The following MCC variants were observed in gnomAD, a reference collection of about 807,000 sequenced individuals.
MCC encodes the protein colorectal mutant cancer protein.
MCC carries 90 observed loss-of-function variants against 116.2 expected under a neutral mutation model. The ratio of observed to expected loss-of-function variants is 0.77; its 90% CI spans 0.65 to 0.92. The LOEUF is 0.92. Among genes scored for constraint, MCC ranks in the 40% least tolerant of loss-of-function variants. The pLI is 0.00. For missense variants in MCC, 1,516 were observed against 1,312.2 expected, an observed-to-expected ratio of 1.16 and a Z score of -2.40; for synonymous variants, 578 against 510.5, an observed-to-expected ratio of 1.13 and a Z score of -1.78.
In MCC at chr5:113,024,567, C is replaced by T. The variant is rs1041207786; in HGVS notation, c.*2735G>A. On this transcript the variant is annotated 3_prime_UTR_variant, in exon 19 of 19. Transcript: ENST00000408903. ...TGGTTACTGACTAAAAGGGGGTAAC[C>T]ACTGAGGAAACTAGGGAGAACAATT... The T allele has an allele frequency of 6.6e-6, 1 of 152,138 alleles. No individual in the cohort carries two copies. Among genetic ancestry groups the T allele is most frequent in the African/African-American group, 2.4e-5 (1 of 41,432 alleles). 9.4% of individuals were successfully genotyped at this position (152,138 alleles called of 1,614,324 possible).
intron 3 of MCC, chr5:113,269,265 ACT>A (rs1329911785): frequency 5.3e-6 from 5 of 952,056 alleles, no homozygotes; most frequent in Non-Finnish European, 6.3e-6. Context: ...ACTTCAACAG[ACT>A]CTACTGCAGG....
chr5:113,380,770 C>G (rs910466206), intron 2 of MCC, among the ~76,000 whole-genome samples: 1 of 152,156 alleles, frequency 6.6e-6, no homozygotes, highest in Non-Finnish European at 1.5e-5. Flanking sequence ...AAAGGCCTCT[C>G]TGAAGAGGAA....
intron 3 of MCC, among the ~76,000 whole-genome samples, chr5:113,238,990 C>A (rs564601066): frequency 6.6e-6 from 1 of 152,018 alleles, no homozygotes; most frequent in Admixed American, 6.6e-5. Context: ...GACAATTCAT[C>A]GAAATGTGAA....
chr5:113,080,783 C>A (rs1754800982), intron 11 of MCC, among the ~76,000 whole-genome samples: 1 of 149,988 alleles, frequency 6.7e-6, no homozygotes, highest in African/African-American at 2.5e-5. Context: ...GCACATATAC[C>A]CTAGAACTTA....
At chr5:113,182,444 G>A (rs561829752) in intron 3 of MCC, among the ~76,000 whole-genome samples, 1 of 152,268 alleles carries the variant, frequency 6.6e-6, no homozygotes, top group South Asian at 2.1e-4. Context: ...AGGTATGGGA[G>A]TAAAAGATTA....
chr5:113,095,687 TA>T (rs985037178), intron 8 of MCC, among the ~76,000 whole-genome samples: 100 of 146,462 alleles, frequency 6.8e-4, no homozygotes, highest in South Asian at 2.4e-3. Context: ...CTTGGCTAAT[TA>T]AAAAAAAAAA....
chr5:113,343,338 T>C (rs1446880016), intron 2 of MCC, among the ~76,000 whole-genome samples: 5 of 152,212 alleles, frequency 3.3e-5, no homozygotes, highest in African/African-American at 1.2e-4. Flanking sequence ...ATATTTGCAA[T>C]TGCTCCAAGT....
At chr5:113,029,576 G>A (rs1330165405) in intron 17 of MCC, among the ~76,000 whole-genome samples, 1 of 152,074 alleles carries the variant, frequency 6.6e-6, no homozygotes, top group Non-Finnish European at 1.5e-5. Context: ...TTCATTGTAA[G>A]GGTCCTTATT....
intron 13 of MCC, among the ~76,000 whole-genome samples, chr5:113,066,585 C>T (rs371300275): frequency 6.6e-6 from 1 of 152,184 alleles, no homozygotes; most frequent in East Asian, 1.9e-4. Flanking sequence ...GAAATTAACA[C>T]CCAGGATACC....
Position 113,185,393 on chromosome 5 carries a change from T to C in MCC, c.628-33971A>G, listed in dbSNP as rs955658536. On this transcript the variant is annotated intron_variant, in intron 3 of 18. Coordinates refer to ENST00000408903, the MANE Select transcript of MCC (RefSeq NM_001085377.2). ...ATTGTTCTGACCAGCAAAGAAGGCA[T>C]GAACACTTGACTTCCTAACAAGGGT... 6.6e-4 allele frequency among the ~76,000 whole-genome samples: 101 copies of C among 152,170 alleles called. 1 individual carries two copies. Among genetic ancestry groups the C allele is most frequent in the African/African-American group, 2.3e-3 (94 of 41,444 alleles).
intron 3 of MCC, among the ~76,000 whole-genome samples, chr5:113,211,106 T>C (rs964496368): frequency 2.6e-5 from 4 of 152,226 alleles, no homozygotes; most frequent in Non-Finnish European, 5.9e-5. Context: ...CCCAATGTGA[T>C]GGTTTCAAAA....
intron 1 of MCC, 44 bp downstream of exon 1, chr5:113,488,201 G>A (rs768997290): frequency 5.7e-6 from 9 of 1,572,308 alleles, no homozygotes; most frequent in Admixed American, 1.8e-5. Flanking sequence ...CGCGCGGAGG[G>A]ACTGATCTCG....
intron 3 of MCC, among the ~76,000 whole-genome samples, chr5:113,258,990 C>G (rs1381074588): frequency 6.6e-6 from 1 of 152,170 alleles, no homozygotes; most frequent in Middle Eastern, 3.2e-3. Flanking sequence ...CATTAAAATT[C>G]TTACATCAAA....
chr5:113,097,808 C>T (rs1581052508), intron 8 of MCC, among the ~76,000 whole-genome samples: 1 of 152,268 alleles, frequency 6.6e-6, no homozygotes, highest in Admixed American at 6.5e-5. Flanking sequence ...TAAACGTGAG[C>T]CACCGCACCT....
rs778710246 is a variant in MCC, at chr5:113,333,810, T to TACATATATGTATATATGTATATATATAC, written c.627+6708_627+6709insGTATATATATACATATATACATATATGT. On this transcript the variant is annotated intron_variant, in intron 3 of 18. Transcript: ENST00000408903. ...ATATTTATATATATATGTATATATG[T>TACATATATGTATATATGTATATATATAC]ATATATGTACATATATGTATATATG... is the stretch of plus-strand genomic sequence containing the variant. Among the ~76,000 whole-genome samples, 2 of 69,772 alleles carry TACATATATGTATATATGTATATATATAC rather than the reference T, an allele frequency of 2.9e-5. 1 individual carries two copies. The highest frequency in any genetic ancestry group is 9.7e-5 in the African/African-American group (2 of 20,662). The allele number at this position is 69,772 out of a possible 152,430, so 45.8% of individuals were successfully genotyped here.
intron 5 of MCC, among the ~76,000 whole-genome samples, chr5:113,124,444 C>T (rs1757923237): frequency 6.6e-6 from 1 of 152,204 alleles, no homozygotes; most frequent in Non-Finnish European, 1.5e-5. Flanking sequence ...AGCTTTGGCT[C>T]AGCCGAGACT....
At chr5:113,115,565 C>A (rs181372405) in intron 6 of MCC, among the ~76,000 whole-genome samples, 1 of 151,970 alleles carries the variant, frequency 6.6e-6, no homozygotes, top group African/African-American at 2.4e-5. Flanking sequence ...TCCAGGACTG[C>A]GAGCCTCTAC....
At chr5:113,064,976 C>A (rs1193358772) in intron 13 of MCC, among the ~76,000 whole-genome samples, 2 of 152,152 alleles carry the variant, frequency 1.3e-5, no homozygotes, top group African/African-American at 4.8e-5. Context: ...GGTAACAGAG[C>A]AAGACCCTGT....
intron 2 of MCC, among the ~76,000 whole-genome samples, chr5:113,347,988 A>G (rs1380372822): frequency 6.6e-6 from 1 of 152,154 alleles, no homozygotes; most frequent in African/African-American, 2.4e-5. Context: ...AGCTCATTAT[A>G]TAATGATAAA....
Sources: gnomAD v4.1 joint callset for allele counts (sites outside exome capture counted in the v4.1 genomes callset) on GRCh38, gnomAD v4.1.1 for gene constraint, MANE v1.5 for transcripts, NCBI Gene and HGNC (gene_info 2026-07-23, HGNC 2026-07-21) for gene names.